Variants in CLSTN2 observed in about 807,000 individuals in gnomAD.
CLSTN2 encodes calsyntenin-2.
Under a neutral mutation model 101.2 loss-of-function variants are expected in CLSTN2, and 48 were observed. The observed-to-expected ratio is 0.47, with a 90% confidence interval of 0.38 to 0.60. The LOEUF (loss-of-function observed/expected upper bound fraction) is 0.60, where lower values mean the gene tolerates loss of function less well. Ranked by LOEUF, CLSTN2 falls within the 20% of genes least tolerant of loss-of-function variation. The probability of loss-of-function intolerance (pLI) is 0.00; values close to 1 mark genes in which losing one functional copy is unlikely to be tolerated. For missense variants in CLSTN2, 1,160 were observed against 1,238.2 expected (o/e 0.94, Z 0.95); for synonymous variants, 481 against 463.6 (o/e 1.04, Z -0.48).
At chr3:140,353,261 A>ATGTTTACACATATATATATATATATATG (rs1559846688) in intron 2 of CLSTN2, among the ~76,000 whole-genome samples, 1 of 129,166 alleles carries the variant, frequency 7.7e-6, no homozygotes, top group Non-Finnish European at 1.8e-5. Flanking sequence ...ATATATATAT[A>ATGTTTACACATATATATATATATATATG]TATGTTTATT....
intron 2 of CLSTN2, among the ~76,000 whole-genome samples, chr3:140,304,680 T>G (rs1385590115): frequency 6.6e-6 from 1 of 152,182 alleles, no homozygotes; most frequent in Admixed American, 6.5e-5. Flanking sequence ...ATTTTGAAGA[T>G]GACTCTCCAG....
At chr3:140,458,585 C>A (rs1247078499) in intron 6 of CLSTN2, among the ~76,000 whole-genome samples, 1 of 151,992 alleles carries the variant, frequency 6.6e-6, no homozygotes, top group Non-Finnish European at 1.5e-5. Flanking sequence ...ACCTCAGCAC[C>A]CCCCTCCACA....
rs751648063 is a variant in CLSTN2, at chr3:140,404,544, G to C, written c.429-14G>C. On this transcript the variant is annotated splice_polypyrimidine_tract_variant and intron_variant, in intron 3 of 16. Coordinates refer to ENST00000458420, the MANE Select transcript of CLSTN2 (RefSeq NM_022131.3). Reference sequence around the variant, plus strand: ...TCTTTACCACCATCCCTTCCTTTCTGTGTGTGGTCCCAGGGCCGTGGTCCA... The same window carrying C: ...TCTTTACCACCATCCCTTCCTTTCTCTGTGTGGTCCCAGGGCCGTGGTCCA... 6.2e-7 allele frequency: 1 copy of C among 1,613,270 alleles called. No individual in the cohort carries two copies. The highest frequency in any genetic ancestry group is 8.5e-7 in the Non-Finnish European group (1 of 1,179,242).
At chr3:140,117,976 T>G (rs923685353) in intron 1 of CLSTN2, among the ~76,000 whole-genome samples, 1 of 152,240 alleles carries the variant, frequency 6.6e-6, no homozygotes, top group Non-Finnish European at 1.5e-5. Flanking sequence ...ATTTATATGT[T>G]GAAGCCCTAA....
chr3:140,234,968 G>A (rs768230414), intron 2 of CLSTN2, among the ~76,000 whole-genome samples: 2 of 152,068 alleles, frequency 1.3e-5, no homozygotes, highest in African/African-American at 4.8e-5. Flanking sequence ...CCTCTTTCCC[G>A]GAGCTCACAC....
chr3:140,312,083 T>G (rs1283245749), intron 2 of CLSTN2, among the ~76,000 whole-genome samples: 2 of 152,230 alleles, frequency 1.3e-5, no homozygotes, highest in African/African-American at 4.8e-5. Context: ...TATAGGGATA[T>G]CTTCCCCAAA....
intron 2 of CLSTN2, among the ~76,000 whole-genome samples, chr3:140,195,244 G>C (rs947101965): frequency 2.0e-5 from 3 of 152,192 alleles, no homozygotes; most frequent in Non-Finnish European, 2.9e-5. Context: ...TCTTTGGCTA[G>C]AGAAAGCAGC....
chr3:140,564,659 C>A (rs1466383250), intron 16 of CLSTN2, among the ~76,000 whole-genome samples: 5 of 152,186 alleles, frequency 3.3e-5, no homozygotes, highest in African/African-American at 4.8e-5. Context: ...TCTATATACA[C>A]CACCTCATTT....
At chr3:139,963,071 G>A (rs1444681074) in intron 1 of CLSTN2, among the ~76,000 whole-genome samples, 1 of 151,940 alleles carries the variant, frequency 6.6e-6, no homozygotes, top group Non-Finnish European at 1.5e-5. Flanking sequence ...TATTATTCTG[G>A]TCCCCTCATA....
At chr3:140,373,156 C>G (rs2087877457) in intron 2 of CLSTN2, among the ~76,000 whole-genome samples, 10 of 152,132 alleles carry the variant, frequency 6.6e-5, no homozygotes, top group Admixed American at 6.5e-4. Flanking sequence ...TCGGTATTTT[C>G]CAAAGATATG....
intron 8 of CLSTN2, among the ~76,000 whole-genome samples, chr3:140,497,147 C>T (rs1378862639): frequency 6.7e-6 from 1 of 149,750 alleles, no homozygotes; most frequent in Non-Finnish European, 1.5e-5. Flanking sequence ...TTTGGTAGAG[C>T]AGGTGTGCAG....
intron 2 of CLSTN2, among the ~76,000 whole-genome samples, chr3:140,337,080 A>G (rs2127473): frequency 0.48 from 72,330 of 152,070 alleles, 18,729 homozygotes; most frequent in Non-Finnish European, 0.6. Context: ...TCCAGATTTC[A>G]GGAATGTGGG....
Position 140,459,842 on chromosome 3 carries a change from T to TG in CLSTN2, c.1222+75dup. 3.3e-6 allele frequency: 5 copies of TG among 1,527,878 alleles called. No homozygotes were observed. In the South Asian group the frequency reaches 4.6e-5, roughly 14 times the overall value. The allele number at this position is 1,527,878 out of a possible 1,614,324, so 94.6% of individuals were successfully genotyped here. A position where few individuals can be genotyped will look rare whatever the true frequency, so the allele number is the denominator to read the frequency against. On this transcript the variant is annotated intron_variant, in intron 7 of 16. Transcript: ENST00000458420. ...CCATTTTGTCACAGGTGGCTGGACA[T>TG]GGACACAGCCAAGGAGGATGTGGAA...
intron 2 of CLSTN2, among the ~76,000 whole-genome samples, chr3:140,343,155 C>T (rs1459070523): frequency 6.6e-6 from 1 of 152,134 alleles, no homozygotes; most frequent in Non-Finnish European, 1.5e-5. Context: ...GGCCATGGCT[C>T]TTGGCTCTTA....
chr3:139,956,743 T>G (rs1434432104), intron 1 of CLSTN2, among the ~76,000 whole-genome samples: 5 of 152,212 alleles, frequency 3.3e-5, no homozygotes, highest in African/African-American at 9.6e-5. Flanking sequence ...AGTGCAATGC[T>G]GATTGTCATT....
At chr3:140,560,590 C>T (rs1450758956) in intron 12 of CLSTN2, among the ~76,000 whole-genome samples, 2 of 152,138 alleles carry the variant, frequency 1.3e-5, no homozygotes, top group Non-Finnish European at 2.9e-5. Context: ...CCAGGAGGAC[C>T]CCGAGGGCTC....
chr3:139,955,761 GC>G (rs2107812301), intron 1 of CLSTN2, among the ~76,000 whole-genome samples: 1 of 152,278 alleles, frequency 6.6e-6, no homozygotes, highest in African/African-American at 2.4e-5. Context: ...CTTGACATTA[GC>G]TACAGTGGTC....
chr3:140,226,852 A>G (rs2086325253), intron 2 of CLSTN2, among the ~76,000 whole-genome samples: 1 of 152,124 alleles, frequency 6.6e-6, no homozygotes, highest in Non-Finnish European at 1.5e-5. Flanking sequence ...TGCAAAAAAA[A>G]ACTCCCATTT....
chr3:140,384,661 T>C (rs1182405716), intron 2 of CLSTN2, among the ~76,000 whole-genome samples: 8 of 152,188 alleles, frequency 5.3e-5, no homozygotes. Context: ...ACTTTTGTTT[T>C]AAAGTATGAA....
Sources: allele counts gnomAD v4.1 joint callset (sites outside exome capture counted in the v4.1 genomes callset), GRCh38; gene constraint gnomAD v4.1.1; transcripts MANE v1.5; gene names NCBI Gene and HGNC (gene_info 2026-07-23, HGNC 2026-07-21).